The following EXD3 variants were observed in gnomAD, a reference collection of about 807,000 sequenced individuals.
EXD3 encodes exonuclease 3'-5' domain containing 3.
Under a neutral mutation model 98.0 loss-of-function variants are expected in EXD3, and 92 were observed. The observed-to-expected ratio is 0.94, with a 90% CI of 0.79 to 1.12. The LOEUF (loss-of-function observed/expected upper bound fraction) is 1.12, where lower values mean the gene tolerates loss of function less well. EXD3 is among the 50% of genes most tolerant of loss of function. EXD3 has a pLI of 0.00. For missense variants in EXD3, 1,222 were observed against 1,191.6 expected, an observed-to-expected ratio of 1.03 and a Z score of -0.38; for synonymous variants, 569 against 526.0, an observed-to-expected ratio of 1.08 and a Z score of -1.12.
Position 137,360,025 on chromosome 9 carries a change from G to A in EXD3, c.657-3657C>T, listed in dbSNP as rs1834955746. 2.3e-5 allele frequency among the ~76,000 whole-genome samples: 2 copies of A among 86,750 alleles called. 1 individual carries two copies. Among genetic ancestry groups the A allele is most frequent in the Non-Finnish European group, 5.7e-5 (2 of 35,284 alleles). 56.9% of individuals were successfully genotyped at this position (86,750 alleles called of 152,430 possible). On this transcript the variant is annotated intron_variant, in intron 7 of 21. Coordinates refer to ENST00000340951, the MANE Select transcript of EXD3 (RefSeq NM_017820.5). ...CCAGTGCACATCCCACCAGCAGTGC[G>A]TGAGGGTTCTGGTTGCTCCATGTCC...
intron 19 of EXD3, among the ~76,000 whole-genome samples, chr9:137,322,078 C>T (rs751590185): frequency 2.0e-5 from 3 of 152,116 alleles, no homozygotes; most frequent in South Asian, 2.1e-4. Context: ...GGATCTCCAC[C>T]GAGGTGCGGC....
At chr9:137,354,311 C>G (rs565009071) in intron 10 of EXD3, 28 bp downstream of exon 10, 1 of 1,611,056 alleles carries the variant, frequency 6.2e-7, no homozygotes, top group Admixed American at 1.7e-5. Context: ...GCCGCCCTGC[C>G]GGCTTACAGG....
chr9:137,326,245 G>A (rs1258526665), intron 17 of EXD3, among the ~76,000 whole-genome samples: 1 of 152,174 alleles, frequency 6.6e-6, no homozygotes, highest in Non-Finnish European at 1.5e-5. Flanking sequence ...ACACTCTGGA[G>A]GAATAAAACA....
At chr9:137,337,346 A>G (rs1181737479) in intron 17 of EXD3, among the ~76,000 whole-genome samples, 1 of 152,138 alleles carries the variant, frequency 6.6e-6, no homozygotes, top group African/African-American at 2.4e-5. Context: ...TCAGGCAGAA[A>G]AGTAAATAGG....
At chr9:137,381,406 A>C (rs1588392212) in intron 3 of EXD3, among the ~76,000 whole-genome samples, 1 of 115,848 alleles carries the variant, frequency 8.6e-6, no homozygotes. Context: ...ACAGAACAAG[A>C]CTCCTTCTCA....
At chr9:137,317,319 TG>T (rs1367563608) in intron 19 of EXD3, among the ~76,000 whole-genome samples, 1 of 152,004 alleles carries the variant, frequency 6.6e-6, no homozygotes, top group Admixed American at 6.5e-5. Flanking sequence ...AACCTGGCCA[TG>T]GCCGGTCCCT....
In EXD3 at chr9:137,307,278, G is replaced by A; in HGVS notation, c.2318-15C>T. On this transcript the variant is annotated splice_polypyrimidine_tract_variant and intron_variant, in intron 21 of 21. Coordinates refer to ENST00000340951, the MANE Select transcript of EXD3 (RefSeq NM_017820.5). ...TGGGGCTGGGCCTGGACAGATAGAA[G>A]TGGACTCCCTGAGCCCTCAGCCTTC... 1 of 1,485,156 alleles carries A rather than the reference G, an allele frequency of 6.7e-7. No individual in the cohort carries two copies. The highest frequency in any genetic ancestry group is 2.4e-5 in the East Asian group (1 of 41,286). The allele number at this position is 1,485,156 out of a possible 1,614,324, so 92.0% of individuals were successfully genotyped here.
intron 3 of EXD3, among the ~76,000 whole-genome samples, chr9:137,380,721 A>T (rs1458280153): frequency 9.6e-6 from 1 of 104,522 alleles, no homozygotes; most frequent in African/African-American, 3.9e-5. Flanking sequence ...GCTGGCTGGC[A>T]TCCCCTGCAC....
intron 17 of EXD3, among the ~76,000 whole-genome samples, chr9:137,332,577 C>T (rs893438284): frequency 9.2e-5 from 14 of 151,702 alleles, no homozygotes; most frequent in African/African-American, 2.4e-4. Context: ...GGCGCAGTGG[C>T]TCACGCCTGT....
intron 2 of EXD3, among the ~76,000 whole-genome samples, chr9:137,383,982 G>C (rs1386234471): frequency 2.0e-5 from 3 of 152,224 alleles, no homozygotes; most frequent in Non-Finnish European, 4.4e-5. Context: ...GCTTGGCTTG[G>C]AGGCCGGTGG....
intron 4 of EXD3, 51 bp from the exon 5 acceptor site, chr9:137,373,123 C>T (rs1226697129): frequency 5.7e-5 from 86 of 1,508,070 alleles, no homozygotes; most frequent in Non-Finnish European, 7.3e-5. Context: ...AGTGGCTGGG[C>T]CATGGGGCCG....
intron 8 of EXD3, 25 bp from the exon 9 acceptor site, chr9:137,354,798 CTG>C: frequency 1.3e-6 from 2 of 1,599,390 alleles, no homozygotes; most frequent in African/African-American, 2.7e-5. Context: ...CAGCTCAGCA[CTG>C]AGGGCTCAGG....
chr9:137,387,384 C>A (rs1049839654), intron 2 of EXD3, among the ~76,000 whole-genome samples: 1 of 152,204 alleles, frequency 6.6e-6, no homozygotes, highest in South Asian at 2.1e-4. Flanking sequence ...CTGAGTCTCT[C>A]GGGCCAGAGC....
At chr9:137,382,182 G>GGGCGCGTGGAGGAGGTGAT in intron 3 of EXD3, among the ~76,000 whole-genome samples, 2 of 150,708 alleles carry the variant, frequency 1.3e-5, no homozygotes, top group African/African-American at 2.4e-5. Flanking sequence ...GAGGAGGTGA[G>GGGCGCGTGGAGGAGGTGAT]GGCGCGCGGA....
Position 137,352,659 on chromosome 9 carries a change from G to A in EXD3, c.998C>T (p.Ala333Val), listed in dbSNP as rs773742796. The change falls in exon 11 of 22, where the codon GCG becomes GTG. Residue 333 changes from alanine to valine, a missense_variant. Physicochemically the swap from Ala to Val is moderately conservative, Grantham distance 64. Transcript: ENST00000340951. ...LLLPEERLPAAVAVELRRFRL... is the reference protein window; with the variant it reads ...LLLPEERLPAVVAVELRRFRL... ...GAACCGGCGGAGTTCCACAGCCACC[G>A]CAGCCGGCAGCCGCTCCTCGGGCAG... is the stretch of plus-strand genomic sequence containing the variant. 1.2e-5 allele frequency: 19 copies of A among 1,549,014 alleles called. No homozygotes were observed. The highest frequency in any genetic ancestry group is 1.7e-4 in the Middle Eastern group (1 of 5,846).
At chr9:137,331,324 G>A (rs1833053310) in intron 17 of EXD3, among the ~76,000 whole-genome samples, 1 of 151,924 alleles carries the variant, frequency 6.6e-6, no homozygotes, top group Admixed American at 6.6e-5. Flanking sequence ...AGTGGAAACA[G>A]TCCCCCTGAG....
In EXD3 at chr9:137,355,408, G is replaced by A. The variant is rs1345170515; in HGVS notation, c.758-635C>T. On this transcript the variant is annotated intron_variant, in intron 8 of 21. Coordinates refer to ENST00000340951, the MANE Select transcript of EXD3 (RefSeq NM_017820.5). ...GGGGAGCCGGGCGACCATCTGCCCT[G>A]AGGCAGGGAGGAAGGAGGAAGGAGG... 1.4e-5 allele frequency among the ~76,000 whole-genome samples: 2 copies of A among 146,510 alleles called. 1 individual carries two copies. Among genetic ancestry groups the A allele is most frequent in the Non-Finnish European group, 3.0e-5 (2 of 66,482 alleles).
chr9:137,356,906 C>T (rs1554811182), intron 7 of EXD3, among the ~76,000 whole-genome samples: 1 of 152,200 alleles, frequency 6.6e-6, no homozygotes, highest in Non-Finnish European at 1.5e-5. Context: ...GGTCCACACC[C>T]TCCGACCTCC....
At chr9:137,355,838 C>T (rs1175055872) in intron 8 of EXD3, among the ~76,000 whole-genome samples, 2 of 152,186 alleles carry the variant, frequency 1.3e-5, no homozygotes, top group Non-Finnish European at 1.5e-5. Context: ...CTCAGTGCAT[C>T]TTCCCGGCCC....
Sources: allele counts gnomAD v4.1 joint callset (sites outside exome capture counted in the v4.1 genomes callset), GRCh38; gene constraint gnomAD v4.1.1; transcripts MANE v1.5; gene names NCBI Gene and HGNC (gene_info 2026-07-23, HGNC 2026-07-21).